Variants in ARB2A observed in about 807,000 individuals in gnomAD.
ARB2A encodes cotranscriptional regulator ARB2A.
chr5:93,782,195 T>G, the ARB2A span, among the ~76,000 whole-genome samples: 1 of 152,170 alleles, frequency 6.6e-6, no homozygotes, highest in Non-Finnish European at 1.5e-5. Context: ...ATCTAATAAT[T>G]TAAATCTCTG....
chr5:93,883,928 C>CAT, the ARB2A span, among the ~76,000 whole-genome samples: 30 of 96,528 alleles, frequency 3.1e-4, no homozygotes, highest in African/African-American at 5.0e-4. Context: ...TACACATACA[C>CAT]ACACACACAC....
At chr5:93,883,924 TACACACACAC>T in the ARB2A span, among the ~76,000 whole-genome samples, 54 of 133,984 alleles carry the variant, frequency 4.0e-4, 1 homozygote, top group East Asian at 4.1e-3. Flanking sequence ...CACATACACA[TACACACACAC>T]ACACACACAC....
the ARB2A span, among the ~76,000 whole-genome samples, chr5:93,773,108 T>A: frequency 6.6e-6 from 1 of 152,272 alleles, no homozygotes; most frequent in Non-Finnish European, 1.5e-5. Context: ...CTTTTCCCTC[T>A]AACTTTAGTG....
the ARB2A span, among the ~76,000 whole-genome samples, chr5:94,096,328 G>A: frequency 4.6e-5 from 7 of 152,114 alleles, no homozygotes; most frequent in African/African-American, 1.7e-4. Flanking sequence ...TAGAGGAAAG[G>A]GGTATCACTT....
the ARB2A span, among the ~76,000 whole-genome samples, chr5:94,046,423 C>A: frequency 1.3e-5 from 2 of 151,904 alleles, no homozygotes; most frequent in African/African-American, 4.8e-5. Flanking sequence ...AACTCTCACT[C>A]TGGGACAGGG....
At chr5:93,907,834 AT>A in the ARB2A span, among the ~76,000 whole-genome samples, 30 of 151,372 alleles carry the variant, frequency 2.0e-4, no homozygotes. Flanking sequence ...ATCATGGCCA[AT>A]TTTAAATGCA....
chr5:93,769,063 C>T, the ARB2A span, among the ~76,000 whole-genome samples: 3 of 151,958 alleles, frequency 2.0e-5, no homozygotes, highest in East Asian at 3.8e-4. Flanking sequence ...TATATATAAA[C>T]GGGTAAGTAA....
At chr5:93,993,354 T>C in the ARB2A span, among the ~76,000 whole-genome samples, 1 of 152,128 alleles carries the variant, frequency 6.6e-6, no homozygotes. Flanking sequence ...AATCCCATAG[T>C]GACAGAAGAC....
the ARB2A span, among the ~76,000 whole-genome samples, chr5:94,024,685 GGAGA>G: frequency 6.6e-6 from 1 of 152,068 alleles, no homozygotes; most frequent in Non-Finnish European, 1.5e-5. Flanking sequence ...AAGACACAAA[GGAGA>G]GAGAGGTCAT....
chr5:93,758,199 A>C, the ARB2A span, among the ~76,000 whole-genome samples: 4 of 152,138 alleles, frequency 2.6e-5, no homozygotes, highest in African/African-American at 9.7e-5. Flanking sequence ...AAAATATCAC[A>C]ATCCTAAACA....
chr5:94,013,201 C>CA, the ARB2A span, among the ~76,000 whole-genome samples: 2 of 122,254 alleles, frequency 1.6e-5, no homozygotes, highest in Admixed American at 9.4e-5. Context: ...TTTTCTGAGA[C>CA]AGAGTCTTGC....
chr5:93,918,635 T>C, the ARB2A span, among the ~76,000 whole-genome samples: 2 of 152,156 alleles, frequency 1.3e-5, no homozygotes, highest in East Asian at 3.9e-4. Context: ...TTGGCCAGGC[T>C]GGCTTCAAAC....
the ARB2A span, among the ~76,000 whole-genome samples, chr5:93,818,734 C>T: frequency 6.6e-6 from 1 of 152,116 alleles, no homozygotes; most frequent in South Asian, 2.1e-4. Context: ...AGACTGAGAG[C>T]TGGGCATGCC....
chr5:93,686,381 T>C, the ARB2A span, among the ~76,000 whole-genome samples: 2 of 152,192 alleles, frequency 1.3e-5, no homozygotes, highest in Non-Finnish European at 2.9e-5. Context: ...TTTCTTCCAG[T>C]CTATTTCACC....
chr5:93,709,557 C>T, the ARB2A span, among the ~76,000 whole-genome samples: 1 of 138,980 alleles, frequency 7.2e-6, no homozygotes. Context: ...CGCTTGAATC[C>T]AGGAGGCGAA....
chr5:93,963,745 T>G, the ARB2A span, among the ~76,000 whole-genome samples: 1 of 152,040 alleles, frequency 6.6e-6, no homozygotes, highest in African/African-American at 2.4e-5. Flanking sequence ...CATAAAGTTG[T>G]CAGGGACGGC....
At chr5:93,741,121 C>A in the ARB2A span, 1 of 1,613,804 alleles carries the variant, frequency 6.2e-7, no homozygotes, top group Admixed American at 1.7e-5. Flanking sequence ...CACAGCGATC[C>A]CCACATCGGC....
chr5:94,019,277 A>G, the ARB2A span, among the ~76,000 whole-genome samples: 1 of 152,322 alleles, frequency 6.6e-6, no homozygotes, highest in Admixed American at 6.5e-5. Context: ...TAAAACACCA[A>G]AAGCAATGGC....
the ARB2A span, among the ~76,000 whole-genome samples, chr5:93,816,845 T>C: frequency 2.0e-5 from 3 of 152,138 alleles, no homozygotes; most frequent in Non-Finnish European, 4.4e-5. Flanking sequence ...ACTAATATCA[T>C]ACTTAATGAT....
Sources: allele counts gnomAD v4.1 joint callset (sites outside exome capture counted in the v4.1 genomes callset), GRCh38; gene constraint gnomAD v4.1.1; transcripts MANE v1.5; gene names NCBI Gene and HGNC (gene_info 2026-07-23, HGNC 2026-07-21).